Variants in ZDHHC20 observed in about 807,000 individuals in gnomAD.
ZDHHC20 encodes zDHHC palmitoyltransferase 20.
Under a neutral mutation model 57.8 loss-of-function variants are expected in ZDHHC20, and 43 were observed. The observed-to-expected ratio is 0.74, with a 90% CI of 0.58 to 0.96. The LOEUF is 0.96. ZDHHC20 is among the 40% of genes least tolerant of loss of function. The pLI, the probability that ZDHHC20 is intolerant of heterozygous loss-of-function variation, is 0.00. For missense variants in ZDHHC20, 391 were observed against 441.1 expected, an observed-to-expected ratio of 0.89 and a Z score of 1.02; for synonymous variants, 157 against 153.0, an observed-to-expected ratio of 1.03 and a Z score of -0.19.
chr13:21,386,399 C>A (rs2137681839), intron 9 of ZDHHC20, among the ~76,000 whole-genome samples: 1 of 152,178 alleles, frequency 6.6e-6, no homozygotes, highest in Admixed American at 6.5e-5. Flanking sequence ...AAAACTAGAT[C>A]AAGATATACC....
At chr13:21,390,857 A>G (rs969703584) in intron 8 of ZDHHC20, among the ~76,000 whole-genome samples, 2 of 151,864 alleles carry the variant, frequency 1.3e-5, no homozygotes, top group African/African-American at 4.8e-5. Context: ...CTGTGATGGT[A>G]CTACTGCACT....
At chr13:21,444,028 T>C (rs569937558) in intron 1 of ZDHHC20, among the ~76,000 whole-genome samples, 3 of 152,246 alleles carry the variant, frequency 2.0e-5, no homozygotes, top group South Asian at 2.1e-4. Context: ...TGGTGGCGTG[T>C]GCCTATAGTC....
At chr13:21,418,735 A>G (rs903020039) in intron 3 of ZDHHC20, among the ~76,000 whole-genome samples, 4 of 152,166 alleles carry the variant, frequency 2.6e-5, no homozygotes, top group African/African-American at 9.7e-5. Context: ...GTGCAGTGGC[A>G]TGATCACGGC....
At chr13:21,378,896 T>C (rs1449571829) in intron 11 of ZDHHC20, among the ~76,000 whole-genome samples, 158 bp from the exon 12 acceptor site, 1 of 152,128 alleles carries the variant, frequency 6.6e-6, no homozygotes, top group Non-Finnish European at 1.5e-5. Context: ...AACCTAGAAG[T>C]AAGTAAAGAG....
At position 21,382,978 on chromosome 13, in the gene ZDHHC20, G is replaced by A; in HGVS notation, c.886C>T (p.Leu296Phe). ...GCTTGTTCTGGATCCATCCCCACAA[G>A]GCGAGTTGGAAAACTGCAACCATCA... ...LGDGCSFPTR[L>F]VGMDPEQASV... The change falls in exon 10 of 13, where the codon CTT becomes TTT. Residue 296 changes from leucine to phenylalanine, a missense_variant. This residue lies in a region of ZDHHC20 where 197 missense variants were observed against 220.8 expected (regional missense o/e 0.89). Transcript: ENST00000400590. 6.4e-7 allele frequency: 1 copy of A among 1,563,350 alleles called. No homozygotes were observed. The highest frequency in any genetic ancestry group is 8.7e-7 in the Non-Finnish European group (1 of 1,152,836).
rs1871488226 is a variant in ZDHHC20 at position 21,373,204 on chromosome 13, A to C, written c.*3492T>G. The C allele has an allele frequency of 1.3e-5, 2 of 152,228 alleles. No individual in the cohort carries two copies. Among genetic ancestry groups the C allele is most frequent in the Admixed American group, 6.5e-5 (1 of 15,288 alleles). The allele number at this position is 152,228 out of a possible 1,614,324, so 9.4% of individuals were successfully genotyped here. ...GTGCTAGTCCCTAGAACAAAAGGTAAGCAAAACTTATTTGTAAGTTACTGC... is the reference window on the plus strand; with the variant it reads ...GTGCTAGTCCCTAGAACAAAAGGTACGCAAAACTTATTTGTAAGTTACTGC... On this transcript the variant is annotated 3_prime_UTR_variant, in exon 13 of 13. Coordinates refer to ENST00000400590, the MANE Select transcript of ZDHHC20 (RefSeq NM_001330059.2).
At chr13:21,443,008 G>C (rs1040255293) in intron 1 of ZDHHC20, among the ~76,000 whole-genome samples, 1 of 152,168 alleles carries the variant, frequency 6.6e-6, no homozygotes, top group Non-Finnish European at 1.5e-5. Flanking sequence ...AAAAGGGCTT[G>C]CTTAATTTCT....
chr13:21,419,768 G>T (rs1880431589), intron 3 of ZDHHC20, among the ~76,000 whole-genome samples: 2 of 152,178 alleles, frequency 1.3e-5, no homozygotes, highest in Admixed American at 6.5e-5. Flanking sequence ...TTCTGGTAAT[G>T]TTCTGTTTCT....
chr13:21,387,648 A>G lies in ZDHHC20; in HGVS notation c.728-14T>C, dbSNP rs1032581542. ...CGCGGAATGATTCTGTTAAATATAC[A>G]TACATATATAAACTAATTAATCTAT... On this transcript the variant is annotated splice_polypyrimidine_tract_variant and intron_variant, in intron 8 of 12. Transcript: ENST00000400590. 6.5e-6 allele frequency: 9 copies of G among 1,392,340 alleles called. No individual in the cohort carries two copies. Among genetic ancestry groups the G allele is most frequent in the South Asian group, 1.9e-5 (1 of 53,712 alleles). 86.2% of individuals were successfully genotyped at this position (1,392,340 alleles called of 1,614,324 possible).
chr13:21,454,226 T>C (rs943695466), intron 1 of ZDHHC20, among the ~76,000 whole-genome samples: 4 of 152,110 alleles, frequency 2.6e-5, no homozygotes, highest in African/African-American at 9.7e-5. Context: ...CTCAAGAGGC[T>C]GAGGCAGGAG....
At chr13:21,434,782 T>G (rs930784676) in intron 1 of ZDHHC20, among the ~76,000 whole-genome samples, 2 of 152,186 alleles carry the variant, frequency 1.3e-5, no homozygotes, top group East Asian at 3.8e-4. Flanking sequence ...ACATCCTTTT[T>G]TTTTTTTTAA....
At chr13:21,445,773 A>C (rs1477628232) in intron 1 of ZDHHC20, among the ~76,000 whole-genome samples, 1 of 151,268 alleles carries the variant, frequency 6.6e-6, no homozygotes, top group African/African-American at 2.4e-5. Flanking sequence ...ATACGACTGG[A>C]GAGAAACAAA....
At chr13:21,423,133 T>A (rs975663251) in intron 2 of ZDHHC20, among the ~76,000 whole-genome samples, 2 of 152,196 alleles carry the variant, frequency 1.3e-5, no homozygotes, top group African/African-American at 4.8e-5. Flanking sequence ...TTTCACTATG[T>A]CCTAGCTAAA....
Position 21,404,351 on chromosome 13 carries a change from T to C in ZDHHC20, c.371-1485A>G, listed in dbSNP as rs190345073. 914 of 492,916 alleles carry C rather than the reference T, an allele frequency of 1.9e-3. 4 individuals are homozygous for C. Among genetic ancestry groups the C allele is most frequent in the African/African-American group, 0.016 (828 of 51,548 alleles). 30.5% of individuals were successfully genotyped at this position (492,916 alleles called of 1,614,324 possible). ...TGTAGACTGCATGAGGCCTAGTTCATAAATCATTAATGAAAGGCAATTAGA... is the reference window on the plus strand; with the variant it reads ...TGTAGACTGCATGAGGCCTAGTTCACAAATCATTAATGAAAGGCAATTAGA... On this transcript the variant is annotated intron_variant, in intron 4 of 12. Coordinates refer to ENST00000400590, the MANE Select transcript of ZDHHC20 (RefSeq NM_001330059.2).
In ZDHHC20 at chr13:21,375,348, G is replaced by GGT. The variant is rs146716267; in HGVS notation, c.*1346_*1347dup. 7.8e-3 allele frequency: 2,728 copies of GGT among 347,726 alleles called. 19 individuals are homozygous for GGT. Among genetic ancestry groups the GGT allele is most frequent in the African/African-American group, 0.029 (1,320 of 45,924 alleles). 21.5% of individuals were successfully genotyped at this position (347,726 alleles called of 1,614,324 possible). A position where few individuals can be genotyped will look rare whatever the true frequency, so the allele number is the denominator to read the frequency against. ...GGAAGCAATCAATTATTTTGGGGGG[G>GGT]GTGTGTGTGTGTGTGTGTCTGTCTG... On this transcript the variant is annotated 3_prime_UTR_variant, in exon 13 of 13. Transcript: ENST00000400590.
At chr13:21,427,002 C>T (rs1271740406) in intron 1 of ZDHHC20, among the ~76,000 whole-genome samples, 2 of 152,096 alleles carry the variant, frequency 1.3e-5, no homozygotes, top group East Asian at 3.9e-4. Flanking sequence ...TTCATATGTG[C>T]CATGTACCTT....
At chr13:21,379,469 G>A (rs566760036) in intron 11 of ZDHHC20, among the ~76,000 whole-genome samples, 9 of 151,988 alleles carry the variant, frequency 5.9e-5, no homozygotes, top group South Asian at 4.2e-4. Flanking sequence ...AAAGTTTTTC[G>A]TAGAGATAGG....
intron 10 of ZDHHC20, among the ~76,000 whole-genome samples, chr13:21,382,196 C>A (rs2137652569): frequency 6.6e-6 from 1 of 152,284 alleles, no homozygotes. Context: ...GTTTAAGTGA[C>A]TTGGCCAGAA....
intron 9 of ZDHHC20, among the ~76,000 whole-genome samples, chr13:21,385,098 T>C (rs756113351): frequency 3.9e-5 from 6 of 151,928 alleles, no homozygotes; most frequent in Non-Finnish European, 7.4e-5. Flanking sequence ...AAACGTAAGA[T>C]ATAAAAAAAA....
Sources: allele counts gnomAD v4.1 joint callset (sites outside exome capture counted in the v4.1 genomes callset), GRCh38; gene constraint gnomAD v4.1.1; regional missense constraint gnomAD v4.1.1; transcripts MANE v1.5; gene names NCBI Gene and HGNC (gene_info 2026-07-23, HGNC 2026-07-21).